The following PGAM5 variants were observed in gnomAD, a reference collection of about 807,000 sequenced individuals.
PGAM5 encodes PGAM family member 5, mitochondrial serine/threonine protein phosphatase, also known as serine/threonine-protein phosphatase PGAM5, mitochondrial.
PGAM5 carries 25 observed loss-of-function variants against 30.6 expected under a neutral mutation model. The observed-to-expected ratio is 0.82, with a 90% CI of 0.60 to 1.14. PGAM5 has a LOEUF of 1.14. PGAM5 is among the 50% of genes most tolerant of loss of function. The pLI is 0.00. For synonymous variants in PGAM5, 201 were observed against 179.1 expected, an observed-to-expected ratio of 1.12 and a Z score of -0.98; for missense variants, 384 against 408.5, an observed-to-expected ratio of 0.94 and a Z score of 0.52.
rs1166257120 is a variant in PGAM5, at chr12:132,714,808, C to CA, written c.192-47dup. On this transcript the variant is annotated intron_variant, in intron 1 of 5. Coordinates refer to ENST00000498926, the MANE Select transcript of PGAM5 (RefSeq NM_001170543.2). ...GAAATAACATCTTGTCAGAAAAACT[C>CA]AAACTTGGGAACAGAGGTCTCAAGG... 40 of 1,585,528 alleles carry CA rather than the reference C, an allele frequency of 2.5e-5. 1 individual carries two copies. The highest frequency in any genetic ancestry group is 2.8e-5 in the Non-Finnish European group (33 of 1,160,478).
intron 5 of PGAM5, chr12:132,719,164 C>G: frequency 8.0e-7 from 1 of 1,244,842 alleles, no homozygotes; most frequent in Non-Finnish European, 1.0e-6. Flanking sequence ...AAATTTGAAA[C>G]AAATTTGCCT....
chr12:132,711,935 C>T (rs1187662657), intron 1 of PGAM5, among the ~76,000 whole-genome samples: 2 of 152,186 alleles, frequency 1.3e-5, no homozygotes, highest in Non-Finnish European at 1.5e-5. Flanking sequence ...ATGTTGCTGG[C>T]ATTCTGTTTC....
intron 2 of PGAM5, 41 bp from the exon 3 acceptor site, chr12:132,717,372 AGGAGGGGGTGTTTGAGGGTGGAGGAG>A (rs2043590156): frequency 4.4e-6 from 6 of 1,350,918 alleles, no homozygotes; most frequent in Non-Finnish European, 4.8e-6. Context: ...TTGCGGGCGG[AGGAGGGGGTGTTTGAGGGTGGAGGAG>A]GGGGTGCAGG....
At position 132,717,423 on chromosome 12, in the gene PGAM5, G is replaced by T; in HGVS notation, c.371-16G>T. On this transcript the variant is annotated splice_polypyrimidine_tract_variant and intron_variant, in intron 2 of 5. Transcript: ENST00000498926. ...GGGGGTGCAGGTGCGGCACTCAGGT[G>T]CCTTTCACCTTCCAGGTCGGGAGCA... 6.2e-7 allele frequency: 1 copy of T among 1,601,360 alleles called. No individual in the cohort carries two copies. The highest frequency in any genetic ancestry group is 8.5e-7 in the Non-Finnish European group (1 of 1,178,906).
chr12:132,714,140 C>T (rs2043549810), intron 1 of PGAM5, among the ~76,000 whole-genome samples: 7 of 152,206 alleles, frequency 4.6e-5, no homozygotes, highest in Admixed American at 4.6e-4. Flanking sequence ...GCCTCAGCCT[C>T]CCAAGTAGCT....
intron 5 of PGAM5, chr12:132,719,178 C>T (rs1033573302): frequency 2.5e-6 from 3 of 1,212,800 alleles, no homozygotes; most frequent in Non-Finnish European, 3.1e-6. Flanking sequence ...TTTGCCTCTT[C>T]TCTGGATCCA....
At chr12:132,718,380 G>GTC (rs2043605458) in intron 5 of PGAM5, among the ~76,000 whole-genome samples, 1 of 100,272 alleles carries the variant, frequency 1.0e-5, no homozygotes. Context: ...TGGGGTGCGT[G>GTC]CTGGGTGGGG....
intron 5 of PGAM5, chr12:132,718,818 C>T (rs1171430756): frequency 6.2e-7 from 1 of 1,613,410 alleles, no homozygotes; most frequent in Non-Finnish European, 8.5e-7. Flanking sequence ...TGACCTCTTT[C>T]ACTTGCTGAT....
chr12:132,720,968 A>G lies in PGAM5; in HGVS notation c.*140A>G. The G allele has an allele frequency of 9.1e-7, 1 of 1,098,126 alleles. No individual in the cohort carries two copies. The allele number at this position is 1,098,126 out of a possible 1,614,324, so 68.0% of individuals were successfully genotyped here. A position where few individuals can be genotyped will look rare whatever the true frequency, so the allele number is the denominator to read the frequency against. On this transcript the variant is annotated 3_prime_UTR_variant, in exon 6 of 6. Coordinates refer to ENST00000498926, the MANE Select transcript of PGAM5 (RefSeq NM_001170543.2). The stretch of plus-strand genomic sequence containing the variant: ...GACTTGTGACCAGGCTGAGAAGGGG[A>G]GAGTTGGGATCAGACAGCCTGACTT...
chr12:132,718,500 G>A (rs534892262), intron 5 of PGAM5, among the ~76,000 whole-genome samples: 92 of 2,646 alleles, frequency 0.035, 1 homozygote, highest in East Asian at 0.059. Flanking sequence ...GGTGGGGTGC[G>A]TGCTGGGTGG....
At chr12:132,713,500 C>G (rs565565785) in intron 1 of PGAM5, among the ~76,000 whole-genome samples, 4 of 152,190 alleles carry the variant, frequency 2.6e-5, no homozygotes, top group Admixed American at 6.5e-5. Flanking sequence ...CTCCCCCATA[C>G]CTGCCAATTT....
chr12:132,721,575 G>C lies in PGAM5; in HGVS notation c.*747G>C, dbSNP rs907113508. 1 of 152,220 alleles carries C rather than the reference G, an allele frequency of 6.6e-6. No homozygotes were observed. Among genetic ancestry groups the C allele is most frequent in the Admixed American group, 6.5e-5 (1 of 15,278 alleles). The allele number at this position is 152,220 out of a possible 1,614,324, so 9.4% of individuals were successfully genotyped here. On this transcript the variant is annotated 3_prime_UTR_variant, in exon 6 of 6. Transcript: ENST00000498926. ...TGTCACTGCACTCCAGCCTGGGCAA[G>C]CGAGGGAGACTTAAAGCAATTTTTT...
chr12:132,715,352 C>A (rs1042786406), intron 2 of PGAM5, among the ~76,000 whole-genome samples: 2 of 151,126 alleles, frequency 1.3e-5, no homozygotes, highest in Non-Finnish European at 2.9e-5. Context: ...AGGTGGATTA[C>A]CTGAGGTCAG....
At chr12:132,713,416 G>A (rs1429806046) in intron 1 of PGAM5, among the ~76,000 whole-genome samples, 3 of 152,132 alleles carry the variant, frequency 2.0e-5, no homozygotes, top group Non-Finnish European at 4.4e-5. Flanking sequence ...GCTTCTTCCT[G>A]GAGGTCTCAT....
Position 132,721,715 on chromosome 12 carries a change from G to C in PGAM5, c.*887G>C, listed in dbSNP as rs1363992548. 1 of 152,242 alleles carries C rather than the reference G, an allele frequency of 6.6e-6. No individual in the cohort carries two copies. Among genetic ancestry groups the C allele is most frequent in the African/African-American group, 2.4e-5 (1 of 41,438 alleles). The allele number at this position is 152,242 out of a possible 1,614,324, so 9.4% of individuals were successfully genotyped here. A position where few individuals can be genotyped will look rare whatever the true frequency, so the allele number is the denominator to read the frequency against. ...GTGATTCTCCTGCCTCAGCTCCCGA[G>C]TAGCTGGGATTACAGTCGCCCACCA... On this transcript the variant is annotated 3_prime_UTR_variant, in exon 6 of 6. Transcript: ENST00000498926.
At chr12:132,712,255 T>C (rs929926896) in intron 1 of PGAM5, among the ~76,000 whole-genome samples, 3 of 152,204 alleles carry the variant, frequency 2.0e-5, no homozygotes, top group African/African-American at 7.2e-5. Flanking sequence ...TTACCTGCTG[T>C]TCTGTTCTAG....
chr12:132,715,105 C>A, intron 2 of PGAM5, 69 bp downstream of exon 2: 1 of 1,456,130 alleles, frequency 6.9e-7, no homozygotes, highest in Non-Finnish European at 9.2e-7. Flanking sequence ...CTGCTGGCGC[C>A]TTGGTTATGT....
At chr12:132,720,474 A>AT in intron 5 of PGAM5, among the ~76,000 whole-genome samples, 1 of 151,948 alleles carries the variant, frequency 6.6e-6, no homozygotes, top group Non-Finnish European at 1.5e-5. Context: ...CGCCCAGCTA[A>AT]TTTTTTGTAT....
At position 132,717,368 on chromosome 12, in the gene PGAM5, G is replaced by A. The variant is rs60023376; in HGVS notation, c.371-71G>A. 161 of 1,542,188 alleles carry A rather than the reference G, an allele frequency of 1.0e-4. No individual in the cohort carries two copies. In the African/African-American group the frequency reaches 2.1e-3, roughly 20 times the overall value. ...AGGGTGGAGGAGGGCGTGTTTGCGGGCGGAGGAGGGGGTGTTTGAGGGTGG... is the reference window on the plus strand; with the variant it reads ...AGGGTGGAGGAGGGCGTGTTTGCGGACGGAGGAGGGGGTGTTTGAGGGTGG... On this transcript the variant is annotated intron_variant, in intron 2 of 5. Transcript: ENST00000498926.
Sources: allele counts gnomAD v4.1 joint callset (sites outside exome capture counted in the v4.1 genomes callset), GRCh38; gene constraint gnomAD v4.1.1; transcripts MANE v1.5; gene names NCBI Gene and HGNC (gene_info 2026-07-23, HGNC 2026-07-21).